The following FOXN3 variants were observed in gnomAD, a reference collection of about 807,000 sequenced individuals.
The protein encoded by FOXN3 is forkhead box protein N3.
Under a neutral mutation model 38.4 loss-of-function variants are expected in FOXN3, and 7 were observed. The observed-to-expected ratio is 0.18, with a 90% CI of 0.10 to 0.34. The LOEUF is 0.34. FOXN3 is among the 10% of genes least tolerant of loss of function. The pLI is 1.00. For synonymous variants in FOXN3, 230 were observed against 242.2 expected (o/e 0.95, Z 0.47); for missense variants, 456 against 613.4 (o/e 0.74, Z 2.71).
At chr14:89,246,891 G>C (rs1278439363) in intron 4 of FOXN3, among the ~76,000 whole-genome samples, 1 of 152,128 alleles carries the variant, frequency 6.6e-6, no homozygotes, top group African/African-American at 2.4e-5. Context: ...GGTTAGAAAA[G>C]TTCAGATCTG....
At chr14:89,540,401 T>C (rs1016234439) in intron 1 of FOXN3, among the ~76,000 whole-genome samples, 1 of 152,100 alleles carries the variant, frequency 6.6e-6, no homozygotes, top group African/African-American at 2.4e-5. Context: ...TTTTAAAATC[T>C]CGCATATAAA....
intron 3 of FOXN3, among the ~76,000 whole-genome samples, chr14:89,345,299 C>A (rs1391873851): frequency 6.6e-6 from 1 of 150,994 alleles, no homozygotes; most frequent in Admixed American, 6.6e-5. Context: ...TTCATTCTAC[C>A]AAAAACAATC....
intron 4 of FOXN3, chr14:89,223,269 T>A (rs1884527336): frequency 6.6e-6 from 1 of 152,398 alleles, no homozygotes; most frequent in South Asian, 2.1e-4. Context: ...GAAGTCGGCC[T>A]CCAGTGGGAA....
chr14:89,356,891 A>G (rs1363165276), intron 2 of FOXN3, among the ~76,000 whole-genome samples: 1 of 152,248 alleles, frequency 6.6e-6, no homozygotes, highest in Non-Finnish European at 1.5e-5. Flanking sequence ...AAGGAAACAG[A>G]ATAAGCCATG....
At chr14:89,565,537 G>C (rs1009771188) in intron 1 of FOXN3, among the ~76,000 whole-genome samples, 1 of 152,110 alleles carries the variant, frequency 6.6e-6, no homozygotes, top group Non-Finnish European at 1.5e-5. Flanking sequence ...CTCTGGGCCC[G>C]CCGTCCTCAT....
intron 2 of FOXN3, among the ~76,000 whole-genome samples, chr14:89,368,667 C>G (rs1001707339): frequency 2.6e-5 from 4 of 152,112 alleles, no homozygotes; most frequent in African/African-American, 4.8e-5. Context: ...AAAGACAAAC[C>G]TGAACCCCAG....
chr14:89,291,316 C>A (rs770439065), intron 3 of FOXN3: 38 of 520,426 alleles, frequency 7.3e-5, no homozygotes, highest in South Asian at 3.1e-5. Flanking sequence ...CGCATTCTCT[C>A]GGGGTTGTTG....
At chr14:89,511,141 T>TTTTC (rs1251992345) in intron 1 of FOXN3, among the ~76,000 whole-genome samples, 2,183 of 20,928 alleles carry the variant, frequency 0.1, 400 homozygotes, top group African/African-American at 0.13. Flanking sequence ...TCTTTCTTTC[T>TTTTC]TTTCTTTCTT....
At chr14:89,431,200 T>C (rs549270125) in intron 1 of FOXN3, among the ~76,000 whole-genome samples, 1 of 152,298 alleles carries the variant, frequency 6.6e-6, no homozygotes, top group South Asian at 2.1e-4. Flanking sequence ...TTTTTTTTTG[T>C]TTGCTTGTTT....
intron 5 of FOXN3, among the ~76,000 whole-genome samples, chr14:89,176,178 C>A (rs564706883): frequency 6.6e-6 from 1 of 152,310 alleles, no homozygotes; most frequent in East Asian, 1.9e-4. Context: ...AAAGTCAACA[C>A]CGTAAAGTCA....
chr14:89,471,986 T>C (rs1893104296), intron 1 of FOXN3, among the ~76,000 whole-genome samples: 1 of 152,232 alleles, frequency 6.6e-6, no homozygotes, highest in Non-Finnish European at 1.5e-5. Context: ...CCAGGTGTGG[T>C]GGCTCACGCC....
intron 2 of FOXN3, among the ~76,000 whole-genome samples, chr14:89,365,291 GTTA>G (rs1285368316): frequency 2.0e-5 from 3 of 152,184 alleles, no homozygotes; most frequent in African/African-American, 7.2e-5. Flanking sequence ...GTTGAAAATA[GTTA>G]TTTTTTTGTA....
At chr14:89,176,849 GATACTACAAGCAAGT>G (rs1385463195) in intron 5 of FOXN3, among the ~76,000 whole-genome samples, 10 of 152,116 alleles carry the variant, frequency 6.6e-5, no homozygotes. Context: ...AGAGGGCAAA[GATACTACAAGCAAGT>G]ACCCCTAATG....
At chr14:89,483,282 G>A (rs981640251) in intron 1 of FOXN3, among the ~76,000 whole-genome samples, 18 of 152,134 alleles carry the variant, frequency 1.2e-4, no homozygotes, top group Admixed American at 3.9e-4. Flanking sequence ...CATGTTTTGA[G>A]ATGTAGATAT....
upstream of FOXN3, chr14:89,417,300 G>C (rs1891772244): frequency 6.8e-6 from 1 of 147,744 alleles, no homozygotes; most frequent in African/African-American, 2.4e-5. Flanking sequence ...GCGGAGGGCG[G>C]AGGGAGCCGG....
chr14:89,216,559 T>A (rs531083931), intron 4 of FOXN3, among the ~76,000 whole-genome samples: 10 of 152,172 alleles, frequency 6.6e-5, no homozygotes, highest in African/African-American at 2.4e-4. Flanking sequence ...GGGACCACAC[T>A]CAGGCCCCTT....
intron 4 of FOXN3, chr14:89,263,675 T>C (rs1423893302): frequency 1.3e-5 from 2 of 152,220 alleles, no homozygotes; most frequent in African/African-American, 4.8e-5. Context: ...AGCTGCCCAA[T>C]CAGTTTTGAA....
At chr14:89,604,206 AACACACACACACACAC>A (rs58288291) in intron 1 of FOXN3, among the ~76,000 whole-genome samples, 22 of 146,792 alleles carry the variant, frequency 1.5e-4, no homozygotes, top group African/African-American at 5.0e-4. Flanking sequence ...AGCAAAACAA[AACACACACACACACAC>A]ACACACACAC....
intron 2 of FOXN3, among the ~76,000 whole-genome samples, chr14:89,380,675 C>T (rs747274058): frequency 6.6e-6 from 1 of 152,238 alleles, no homozygotes; most frequent in Non-Finnish European, 1.5e-5. Flanking sequence ...CACCAGGGTG[C>T]CCACAACCCC....
Sources: gnomAD v4.1 joint callset for allele counts (sites outside exome capture counted in the v4.1 genomes callset) on GRCh38, gnomAD v4.1.1 for gene constraint, MANE v1.5 for transcripts, NCBI Gene and HGNC (gene_info 2026-07-23, HGNC 2026-07-21) for gene names.